SNTG2: variants seen among roughly 807,000 people sequenced by gnomAD.
SNTG2 encodes gamma-2-syntrophin.
A neutral mutation model predicts 70.9 loss-of-function variants in SNTG2; 74 were observed. The ratio of observed to expected loss-of-function variants is 1.04; its 90% CI spans 0.86 to 1.27. The LOEUF is 1.27. Ranked by LOEUF, SNTG2 falls within the 50% of genes most tolerant of loss-of-function variation. The probability of loss-of-function intolerance (pLI) is 0.00; values close to 1 mark genes in which losing one functional copy is unlikely to be tolerated. For missense variants in SNTG2, 717 were observed against 690.7 expected (o/e 1.04, Z -0.43); for synonymous variants, 278 against 273.8 (o/e 1.02, Z -0.15).
Position 1,250,091 on chromosome 2 carries a change from G to A in SNTG2, c.1005+2648G>A, listed in dbSNP as rs1168406965. On this transcript the variant is annotated intron_variant, in intron 12 of 16. Coordinates refer to ENST00000308624, the MANE Select transcript of SNTG2 (RefSeq NM_018968.4). ...TGTGTCCAGGAAGGAACTGGAAATC[G>A]CAGACTCCTCATTCACGTAGAGGAA... 2.6e-5 allele frequency among the ~76,000 whole-genome samples: 4 copies of A among 152,142 alleles called. No individual in the cohort carries two copies. The East Asian group carries it at 5.8e-4, about 22-fold the overall frequency.
chr2:1,109,496 T>C (rs1035145904), intron 4 of SNTG2, among the ~76,000 whole-genome samples: 6 of 152,118 alleles, frequency 3.9e-5, no homozygotes, highest in Non-Finnish European at 7.4e-5. Context: ...AAAAAACATA[T>C]GAAATGGGCA....
chr2:1,069,691 T>C (rs929310425), intron 1 of SNTG2, among the ~76,000 whole-genome samples: 1 of 152,072 alleles, frequency 6.6e-6, no homozygotes, highest in Non-Finnish European at 1.5e-5. Flanking sequence ...CTCTGGAGGC[T>C]GAGGCAAGAG....
chr2:1,086,231 A>G (rs926668177), intron 2 of SNTG2, among the ~76,000 whole-genome samples: 7 of 152,230 alleles, frequency 4.6e-5, no homozygotes, highest in African/African-American at 1.7e-4. Flanking sequence ...AATCACGGAA[A>G]CTGGTGTGAG....
intron 9 of SNTG2, among the ~76,000 whole-genome samples, chr2:1,225,387 C>A (rs1278220924): frequency 6.6e-6 from 1 of 152,084 alleles, no homozygotes. Context: ...TATTTAAAGA[C>A]GTATGCAGGA....
At chr2:1,350,329 G>C (rs1305121600) in intron 16 of SNTG2, among the ~76,000 whole-genome samples, 1 of 152,172 alleles carries the variant, frequency 6.6e-6, no homozygotes, top group Non-Finnish European at 1.5e-5. Flanking sequence ...TCAAGCCTTT[G>C]AAAGAGGAGG....
At chr2:1,244,275 T>C (rs1481850225) in intron 11 of SNTG2, among the ~76,000 whole-genome samples, 1 of 152,210 alleles carries the variant, frequency 6.6e-6, no homozygotes, top group Non-Finnish European at 1.5e-5. Flanking sequence ...TGTTTCGTTC[T>C]TTTTTCTGGA....
chr2:1,019,278 A>G (rs1422065100), intron 1 of SNTG2, among the ~76,000 whole-genome samples: 2 of 152,346 alleles, frequency 1.3e-5, no homozygotes, highest in Middle Eastern at 3.4e-3. Context: ...GAACATGCTA[A>G]GAAGTTTTCA....
At chr2:1,113,108 G>A (rs4971454) in intron 4 of SNTG2, among the ~76,000 whole-genome samples, 48 of 2,908 alleles carry the variant, frequency 0.017, no homozygotes, top group Admixed American at 0.15. Flanking sequence ...GAGAAGGATC[G>A]TGTGTACTAA....
chr2:1,109,952 G>A (rs1666332352), intron 4 of SNTG2, among the ~76,000 whole-genome samples: 1 of 152,216 alleles, frequency 6.6e-6, no homozygotes, highest in African/African-American at 2.4e-5. Context: ...TTCAGCGCCA[G>A]GAAGTATCCT....
intron 11 of SNTG2, among the ~76,000 whole-genome samples, chr2:1,245,287 AAAAAG>A (rs1157209570): frequency 6.6e-6 from 1 of 152,142 alleles, no homozygotes; most frequent in African/African-American, 2.4e-5. Flanking sequence ...AAAGGAAAAA[AAAAAG>A]AAATAAGTCC....
chr2:1,262,863 C>T (rs568413637), intron 13 of SNTG2: 4 of 152,290 alleles, frequency 2.6e-5, no homozygotes, highest in Non-Finnish European at 4.4e-5. Flanking sequence ...CCTAGCCAGC[C>T]GCTGACTGAC....
At chr2:1,282,670 C>A (rs1245340335) in intron 14 of SNTG2, among the ~76,000 whole-genome samples, 1 of 149,682 alleles carries the variant, frequency 6.7e-6, no homozygotes, top group Non-Finnish European at 1.5e-5. Flanking sequence ...CCCCCGCCCC[C>A]ACGTCAGTGA....
chr2:1,156,903 A>G (rs4971363), intron 6 of SNTG2, among the ~76,000 whole-genome samples: 127,593 of 151,548 alleles, frequency 0.84, 55,218 homozygotes, highest in Non-Finnish European at 0.96. Context: ...CGGTGATTGG[A>G]TGTGTGGCTG....
intron 2 of SNTG2, among the ~76,000 whole-genome samples, chr2:1,093,778 TG>T (rs1665188768): frequency 6.6e-6 from 1 of 152,256 alleles, no homozygotes; most frequent in Non-Finnish European, 1.5e-5. Context: ...TGAGGCAGCT[TG>T]GGCTCCACCG....
chr2:1,204,259 C>G (rs1259204578), intron 8 of SNTG2, among the ~76,000 whole-genome samples: 1 of 152,146 alleles, frequency 6.6e-6, no homozygotes, highest in African/African-American at 2.4e-5. Flanking sequence ...CAAAACTCAT[C>G]AAACTGTGCA....
chr2:1,248,205 G>A lies in SNTG2; in HGVS notation c.1005+762G>A, dbSNP rs186370220. Among the ~76,000 whole-genome samples the A allele has an allele frequency of 1.2e-3, 186 of 152,256 alleles. 1 individual carries two copies. Among genetic ancestry groups the A allele is most frequent in the Admixed American group, 0.01 (158 of 15,296 alleles). On this transcript the variant is annotated intron_variant, in intron 12 of 16. Transcript: ENST00000308624. ...ACAGTAATACCCTGCCTGTCTTTTC[G>A]TTGATAAGGATGGCTTTTTAAGTAA...
intron 8 of SNTG2, among the ~76,000 whole-genome samples, chr2:1,202,726 G>A (rs1274031910): frequency 2.6e-5 from 4 of 152,112 alleles, no homozygotes; most frequent in Non-Finnish European, 5.9e-5. Context: ...TTAGAAGAAT[G>A]GAGAGCATGT....
intron 8 of SNTG2, among the ~76,000 whole-genome samples, chr2:1,205,315 T>A (rs1185698683): frequency 6.6e-6 from 1 of 152,176 alleles, no homozygotes; most frequent in Non-Finnish European, 1.5e-5. Flanking sequence ...AAGAGTATGT[T>A]AAAAGTACTC....
intron 2 of SNTG2, among the ~76,000 whole-genome samples, chr2:1,096,815 A>T (rs967772116): frequency 2.6e-5 from 4 of 152,202 alleles, no homozygotes; most frequent in Admixed American, 2.0e-4. Flanking sequence ...CCATTGGTGC[A>T]GTGTCACTGG....
Sources: gnomAD v4.1 joint callset for allele counts (sites outside exome capture counted in the v4.1 genomes callset) on GRCh38, gnomAD v4.1.1 for gene constraint, MANE v1.5 for transcripts, NCBI Gene and HGNC (gene_info 2026-07-23, HGNC 2026-07-21) for gene names.